The following TESMIN variants were observed in gnomAD, a reference collection of about 807,000 sequenced individuals.
The protein encoded by TESMIN is CXC domain containing 2.
A neutral mutation model predicts 47.4 loss-of-function variants in TESMIN; 34 were observed. The observed-to-expected ratio is 0.72, with a 90% confidence interval of 0.55 to 0.96. The LOEUF (loss-of-function observed/expected upper bound fraction) is 0.96. Ranked by LOEUF, TESMIN falls within the 40% of genes least tolerant of loss-of-function variation. The pLI is 0.00. For missense variants in TESMIN, 610 were observed against 637.2 expected, an observed-to-expected ratio of 0.96 and a Z score of 0.46; for synonymous variants, 278 against 258.9, an observed-to-expected ratio of 1.07 and a Z score of -0.71.
At chr11:68,733,325 C>T (rs1257730743) in intron 6 of TESMIN, among the ~76,000 whole-genome samples, 4 of 152,196 alleles carry the variant, frequency 2.6e-5, no homozygotes, top group Non-Finnish European at 5.9e-5. Context: ...TTACAGTTAA[C>T]GCTCAACAAT....
intron 7 of TESMIN, among the ~76,000 whole-genome samples, chr11:68,715,241 C>G (rs912125633): frequency 6.6e-6 from 1 of 152,162 alleles, no homozygotes. Flanking sequence ...CCTCCTTTAT[C>G]CCTGATTATC....
chr11:68,716,056 A>G (rs1372896585), intron 6 of TESMIN, 117 bp from the exon 7 acceptor site: 6 of 650,492 alleles, frequency 9.2e-6, no homozygotes, highest in East Asian at 2.7e-5. Flanking sequence ...AACACTGAAC[A>G]CTTTCATAGA....
chr11:68,738,212 A>C, intron 6 of TESMIN: 1 of 987,558 alleles, frequency 1.0e-6, no homozygotes, highest in African/African-American at 1.7e-5. Context: ...GTCCACCTGG[A>C]GATGTGAAGA....
chr11:68,747,478 C>G, intron 2 of TESMIN, 112 bp from the exon 3 acceptor site: 1 of 935,778 alleles, frequency 1.1e-6, no homozygotes, highest in Non-Finnish European at 1.6e-6. Context: ...TGGTGAAACC[C>G]TGTCTCTACT....
chr11:68,749,657 A>T (rs922615734), intron 2 of TESMIN, among the ~76,000 whole-genome samples: 1 of 152,190 alleles, frequency 6.6e-6, no homozygotes, highest in African/African-American at 2.4e-5. Context: ...GCTATTACTC[A>T]TTAGCAAAGG....
At chr11:68,748,996 C>T (rs565429228) in intron 2 of TESMIN, among the ~76,000 whole-genome samples, 9 of 152,220 alleles carry the variant, frequency 5.9e-5, no homozygotes, top group Admixed American at 2.0e-4. Flanking sequence ...CCACCACACC[C>T]GGTTAATTTT....
At chr11:68,738,599 C>A in intron 6 of TESMIN, 101 bp downstream of exon 6, 3 of 1,550,702 alleles carry the variant, frequency 1.9e-6, no homozygotes, top group Non-Finnish European at 2.6e-6. Flanking sequence ...TGAAGGTGTG[C>A]AGTGAAGCTC....
chr11:68,733,898 AC>A (rs1274618035), intron 6 of TESMIN, among the ~76,000 whole-genome samples: 1 of 152,186 alleles, frequency 6.6e-6, no homozygotes, highest in Non-Finnish European at 1.5e-5. Context: ...TGGAACTAGC[AC>A]CACCAAACAC....
chr11:68,731,445 T>TAA (rs5792449), intron 6 of TESMIN, among the ~76,000 whole-genome samples: 259 of 148,288 alleles, frequency 1.7e-3, no homozygotes, highest in African/African-American at 3.8e-3. Flanking sequence ...AGTTATAAAA[T>TAA]AAAAAAAAAA....
intron 6 of TESMIN, chr11:68,736,466 C>T (rs760614531): frequency 1.5e-5 from 15 of 985,218 alleles, no homozygotes; most frequent in African/African-American, 1.2e-4. Flanking sequence ...GGAACTCACA[C>T]GGAATGAAAT....
In TESMIN at chr11:68,738,728, G is replaced by A; in HGVS notation, c.889C>T (p.Pro297Ser). 2.5e-6 allele frequency: 4 copies of A among 1,614,058 alleles called. No individual in the cohort carries two copies. Among genetic ancestry groups the A allele is most frequent in the Non-Finnish European group, 3.4e-6 (4 of 1,179,978 alleles). Reference protein sequence around the residue: ...GSAFPSGSTLPGPPKITLAGY... With the variant: ...GSAFPSGSTLSGPPKITLAGY... ...GCCAAAGTTATTTTTGGTGGTCCTGGAAGAGTTGATCCCGAGGGGAAAGCA... is the reference window on the plus strand; with the variant it reads ...GCCAAAGTTATTTTTGGTGGTCCTGAAAGAGTTGATCCCGAGGGGAAAGCA... The change falls in exon 6 of 10, where the codon CCA (proline) becomes TCA (serine). Residue 297 changes from proline (P) to serine (S), a missense_variant. Coordinates refer to ENST00000255087, the MANE Select transcript of TESMIN (RefSeq NM_004923.3).
intron 6 of TESMIN, among the ~76,000 whole-genome samples, chr11:68,725,986 C>G (rs752920069): frequency 5.3e-5 from 8 of 152,152 alleles, no homozygotes; most frequent in African/African-American, 1.9e-4. Context: ...CTGCTGATCC[C>G]AGCAACCAAA....
intron 6 of TESMIN, chr11:68,733,799 T>C (rs1207317569): frequency 6.6e-6 from 1 of 152,188 alleles, no homozygotes; most frequent in Non-Finnish European, 1.5e-5. Flanking sequence ...CATCTGGTGT[T>C]TTTCAACACA....
intron 6 of TESMIN, among the ~76,000 whole-genome samples, chr11:68,724,857 A>G (rs1321864670): frequency 6.6e-6 from 1 of 152,218 alleles, no homozygotes; most frequent in Non-Finnish European, 1.5e-5. Context: ...GGCATCTCTC[A>G]AAAACCTACA....
intron 4 of TESMIN, 197 bp downstream of exon 4, chr11:68,744,794 G>A: frequency 2.6e-6 from 1 of 378,502 alleles, no homozygotes. Flanking sequence ...AAGAATTTGA[G>A]ACAGTCAGTA....
At chr11:68,740,740 C>T (rs756278614) in intron 5 of TESMIN, among the ~76,000 whole-genome samples, 1 of 152,148 alleles carries the variant, frequency 6.6e-6, no homozygotes, top group Non-Finnish European at 1.5e-5. Context: ...ATTCAATTTA[C>T]ACTCACTTCC....
At chr11:68,705,810 A>C (rs1945991869), downstream of TESMIN, among the ~76,000 whole-genome samples, 1 of 152,054 alleles carries the variant, frequency 6.6e-6, no homozygotes, top group Admixed American at 6.6e-5. Flanking sequence ...ATCACCTGAG[A>C]TCAGGAGTTC....
downstream of TESMIN, among the ~76,000 whole-genome samples, chr11:68,705,944 AC>A (rs564515067): frequency 7.7e-4 from 116 of 149,760 alleles, no homozygotes; most frequent in Non-Finnish European, 1.1e-3. Flanking sequence ...AATCACTTGA[AC>A]CCAGAAGGCG....
chr11:68,713,125 A>G (rs1227013935), intron 8 of TESMIN, 145 bp downstream of exon 8: 1 of 791,130 alleles, frequency 1.3e-6, no homozygotes, highest in East Asian at 2.9e-5. Flanking sequence ...ATTCAGATTG[A>G]TGTAAGTGTC....
Sources: gnomAD v4.1 joint callset for allele counts (sites outside exome capture counted in the v4.1 genomes callset) on GRCh38, gnomAD v4.1.1 for gene constraint, MANE v1.5 for transcripts, NCBI Gene and HGNC (gene_info 2026-07-23, HGNC 2026-07-21) for gene names.